The following SLC3A2 variants were observed in gnomAD, a reference collection of about 807,000 sequenced individuals.
The protein encoded by SLC3A2 is amino acid transporter heavy chain SLC3A2.
A neutral mutation model predicts 48.5 loss-of-function variants in SLC3A2; 32 were observed. That is an observed-to-expected ratio of 0.66 (90% confidence interval 0.50 to 0.89). The LOEUF is 0.89. Among genes scored for constraint, SLC3A2 ranks in the 40% least tolerant of loss-of-function variants. SLC3A2 has a pLI of 0.00. For missense variants in SLC3A2, 587 were observed against 680.7 expected, an observed-to-expected ratio of 0.86 and a Z score of 1.53; for synonymous variants, 277 against 288.8, an observed-to-expected ratio of 0.96 and a Z score of 0.41.
At chr11:62,882,511 TCTCA>T (rs2085656024) in intron 2 of SLC3A2, 1 of 221,702 alleles carries the variant, frequency 4.5e-6, no homozygotes, top group East Asian at 1.1e-4. Flanking sequence ...TGAGATGGAG[TCTCA>T]CTCTTGTCAC....
intron 1 of SLC3A2, among the ~76,000 whole-genome samples, chr11:62,870,328 T>C (rs1334362120): frequency 6.6e-6 from 1 of 151,474 alleles, no homozygotes; most frequent in Non-Finnish European, 1.5e-5. Context: ...ACTACAGGTG[T>C]GCGTCACCAC....
At chr11:62,880,875 AGGC>A, upstream of SLC3A2, 1 of 1,416,678 alleles carries the variant, frequency 7.1e-7, no homozygotes, top group Non-Finnish European at 9.2e-7. Flanking sequence ...CCCTTCCCAG[AGGC>A]CGCGCCTGCT....
At chr11:62,879,813 A>G (rs1277578773), upstream of SLC3A2, among the ~76,000 whole-genome samples, 2 of 152,176 alleles carry the variant, frequency 1.3e-5, no homozygotes, top group African/African-American at 4.8e-5. Context: ...CACGGTGTTG[A>G]TGTCCGGTAG....
At chr11:62,876,509 T>C (rs186648876), upstream of SLC3A2, among the ~76,000 whole-genome samples, 426 of 152,286 alleles carry the variant, frequency 2.8e-3, 2 homozygotes, top group African/African-American at 8.7e-3. Context: ...CTGAGGCTCT[T>C]TACTCACCTC....
intron 3 of SLC3A2, 87 bp downstream of exon 3, chr11:62,883,086 C>G: frequency 7.9e-7 from 1 of 1,265,936 alleles, no homozygotes; most frequent in Non-Finnish European, 1.2e-6. Flanking sequence ...CCCAGCCTGA[C>G]TCCAGCTGAG....
chr11:62,862,982 C>T lies in SLC3A2; in HGVS notation c.112+6601C>T, dbSNP rs1590617389. On this transcript the variant is annotated intron_variant, in intron 1 of 9. Coordinates refer to the SLC3A2 transcript ENST00000377889. Reference sequence around the variant, plus strand: ...TGTCACCCAGGCTGGAGTGCAGTGGCGTGATCTCAGTTCACTGCAACCTCT... The same window carrying T: ...TGTCACCCAGGCTGGAGTGCAGTGGTGTGATCTCAGTTCACTGCAACCTCT... 3.3e-5 allele frequency among the ~76,000 whole-genome samples: 5 copies of T among 152,184 alleles called. No individual in the cohort carries two copies. The South Asian group carries it at 8.3e-4, about 25-fold the overall frequency.
At chr11:62,860,505 A>G (rs1266252061) in intron 1 of SLC3A2, among the ~76,000 whole-genome samples, 2 of 151,920 alleles carry the variant, frequency 1.3e-5, no homozygotes, top group African/African-American at 2.4e-5. Flanking sequence ...ACCTCCAGCC[A>G]TAAGGCGGTT....
At chr11:62,872,140 C>G (rs2085524328) in intron 1 of SLC3A2, among the ~76,000 whole-genome samples, 1 of 152,188 alleles carries the variant, frequency 6.6e-6, no homozygotes, top group African/African-American at 2.4e-5. Context: ...TGGTCTCGAT[C>G]TCCTGACCTT....
rs781120177 is a variant in SLC3A2 at position 62,870,043 on chromosome 11, C to T, written c.113-10976C>T. On this transcript the variant is annotated intron_variant, in intron 1 of 9. Transcript: ENST00000377889. ...CGAACTCCTGACCTTGTGATCTGCC[C>T]GCCCTGGTCTCCCAAAGTGCTGGGA... 7.0e-4 allele frequency among the ~76,000 whole-genome samples: 107 copies of T among 152,132 alleles called. 1 individual carries two copies. Among genetic ancestry groups the T allele is most frequent in the Non-Finnish European group, 1.3e-3 (89 of 68,002 alleles).
chr11:62,881,881 C>T lies in SLC3A2; in HGVS notation c.425-12C>T, dbSNP rs777007713. ...AGAGGGGCCTCACTTGTTAACCCAGCCCCCATTTCAGGTCTGAAGGGGCGT... is the reference window on the plus strand; with the variant it reads ...AGAGGGGCCTCACTTGTTAACCCAGTCCCCATTTCAGGTCTGAAGGGGCGT... On this transcript the variant is annotated splice_polypyrimidine_tract_variant and intron_variant, in intron 1 of 8. Coordinates refer to ENST00000338663, the MANE Select transcript of SLC3A2 (RefSeq NM_001013251.3). The surrounding 1 kb of genome is among the most constrained non-coding windows in gnomAD (Gnocchi z 4.0). 8 of 1,612,708 alleles carry T rather than the reference C, an allele frequency of 5.0e-6. 1 individual carries two copies. In the South Asian group the frequency reaches 8.8e-5, roughly 18 times the overall value.
intron 1 of SLC3A2, among the ~76,000 whole-genome samples, chr11:62,858,558 C>T (rs2085363256): frequency 6.6e-6 from 1 of 151,158 alleles, no homozygotes; most frequent in African/African-American, 2.5e-5. Context: ...GGATGTTTCT[C>T]CTAAGGTGGA....
intron 1 of SLC3A2, among the ~76,000 whole-genome samples, chr11:62,868,121 A>C (rs2134983963): frequency 6.7e-6 from 1 of 150,310 alleles, no homozygotes; most frequent in Non-Finnish European, 1.5e-5. Flanking sequence ...GGGGTTTCAC[A>C]GTGTGGTCCA....
intron 1 of SLC3A2, among the ~76,000 whole-genome samples, chr11:62,861,685 G>T (rs1397337917): frequency 6.6e-6 from 1 of 152,104 alleles, no homozygotes; most frequent in Non-Finnish European, 1.5e-5. Flanking sequence ...GGAGGCCTAG[G>T]CGTGTGGATC....
At chr11:62,883,963 A>G in intron 3 of SLC3A2, 1 of 456,396 alleles carries the variant, frequency 2.2e-6, no homozygotes, top group Non-Finnish European at 4.4e-6. Flanking sequence ...TGCTCTGAGC[A>G]GTTATTGTAC....
chr11:62,884,258 GAA>G (rs1477934511), intron 3 of SLC3A2, 197 bp from the exon 4 acceptor site: 11 of 617,060 alleles, frequency 1.8e-5, no homozygotes, highest in Non-Finnish European at 2.9e-5. Context: ...GTAGCACTAA[GAA>G]AATGAGTGGA....
At chr11:62,867,322 CTTTTTTTTT>C (rs56758000) in intron 1 of SLC3A2, among the ~76,000 whole-genome samples, 60 of 67,680 alleles carry the variant, frequency 8.9e-4, no homozygotes, top group African/African-American at 2.9e-3. Flanking sequence ...CTTTTCTTTT[CTTTTTTTTT>C]TTTTTTTTTT....
exon 1 of SLC3A2, chr11:62,856,191 C>A: frequency 1.8e-6 from 2 of 1,141,432 alleles, no homozygotes; most frequent in South Asian, 1.5e-5. Flanking sequence ...GACTGACGGT[C>A]ACGACTGCCT....
intron 1 of SLC3A2, among the ~76,000 whole-genome samples, chr11:62,869,568 A>AT (rs1328645028): frequency 2.1e-5 from 3 of 142,442 alleles, no homozygotes; most frequent in Admixed American, 7.0e-5. Flanking sequence ...CTATTTGGTG[A>AT]TTTTTTTTCT....
Position 62,881,139 on chromosome 11 carries a change from A to T in SLC3A2, c.116A>T (p.Lys39Met), listed in dbSNP as rs1209583488. The T allele has an allele frequency of 2.5e-6, 4 of 1,604,238 alleles. No individual in the cohort carries two copies. Among genetic ancestry groups the T allele is most frequent in the Middle Eastern group, 3.3e-4 (2 of 6,048 alleles). ...GCCATGTCCCTGGCGGGAGCCGAGA[A>T]GAATGGTCTGGTGAAGATCAAGGTG... Reference protein sequence around the residue: ...GAAMSLAGAEKNGLVKIKVAE... With the variant: ...GAAMSLAGAEMNGLVKIKVAE... Residue 39 changes from lysine (K) to methionine (M), a missense_variant, in exon 1 of 9, where the codon AAG becomes ATG. Lys to Met is a moderately conservative substitution (Grantham distance 95). Around this residue, in one of 3 missense-constraint regions of SLC3A2, gnomAD observed 409 missense variants for 446.7 expected, o/e 0.92. Coordinates refer to ENST00000338663, the MANE Select transcript of SLC3A2 (RefSeq NM_001013251.3). This position sits in a 1 kb window ranked among gnomAD's most constrained non-coding sequence, Gnocchi z 4.0.
Sources: gnomAD v4.1 joint callset for allele counts (sites outside exome capture counted in the v4.1 genomes callset) on GRCh38, gnomAD v4.1.1 for gene constraint, gnomAD v4.1.1 regional missense constraint, Gnocchi (gnomAD v3.1) non-coding constraint, MANE v1.5 for transcripts, NCBI Gene and HGNC (gene_info 2026-07-23, HGNC 2026-07-21) for gene names.